KCNIP1: variants seen among roughly 807,000 people sequenced by gnomAD.
KCNIP1 encodes potassium voltage-gated channel interacting protein 1.
A neutral mutation model predicts 33.0 loss-of-function variants in KCNIP1; 18 were observed. That is an observed-to-expected ratio of 0.55 (90% CI 0.38 to 0.81). The LOEUF (loss-of-function observed/expected upper bound fraction) is 0.81. Ranked by LOEUF, KCNIP1 falls within the 30% of genes least tolerant of loss-of-function variation. The probability of loss-of-function intolerance (pLI) is 0.00; values close to 1 mark genes in which losing one functional copy is unlikely to be tolerated. For missense variants in KCNIP1, 238 were observed against 271.6 expected (o/e 0.88, Z 0.87); for synonymous variants, 93 against 98.3 (o/e 0.95, Z 0.32).
intron 1 of KCNIP1, among the ~76,000 whole-genome samples, chr5:170,438,477 GCTTT>G (rs1225548519): frequency 1.3e-5 from 2 of 152,166 alleles, no homozygotes; most frequent in East Asian, 3.9e-4. Flanking sequence ...ATCTGAGGGA[GCTTT>G]CTAAAATAAA....
At chr5:170,584,462 A>G (rs547008293) in intron 1 of KCNIP1, among the ~76,000 whole-genome samples, 29 of 152,300 alleles carry the variant, frequency 1.9e-4, no homozygotes, top group Non-Finnish European at 3.5e-4. Context: ...AAAGCTTACA[A>G]TGCCAAACTA....
At chr5:170,378,766 G>A in intron 1 of KCNIP1, 1 of 1,614,206 alleles carries the variant, frequency 6.2e-7, no homozygotes, top group Non-Finnish European at 8.5e-7. Context: ...ATAATGAGGA[G>A]GCCACCGGTC....
chr5:170,582,172 C>T (rs564049099), intron 1 of KCNIP1, among the ~76,000 whole-genome samples: 1 of 152,240 alleles, frequency 6.6e-6, no homozygotes, highest in South Asian at 2.1e-4. Context: ...ACTATAGCAC[C>T]CACCTAACGA....
intron 1 of KCNIP1, among the ~76,000 whole-genome samples, chr5:170,599,605 G>A (rs1300503229): frequency 1.3e-5 from 2 of 151,968 alleles, no homozygotes; most frequent in Non-Finnish European, 2.9e-5. Context: ...TCAGGACTGT[G>A]GAATGAGCAC....
At position 170,640,172 on chromosome 5, in the gene KCNIP1, C is replaced by T. The variant is rs543666586; in HGVS notation, c.62-78586C>T. ...AGAGCTGGGGAACAGGGAGGTCCAA[C>T]GGTGACTCCCAAGGAGCTGATGTGA... On this transcript the variant is annotated intron_variant, in intron 1 of 7. Coordinates refer to ENST00000328939, the MANE Select transcript of KCNIP1 (RefSeq NM_014592.4). Among the ~76,000 whole-genome samples, 55 of 152,312 alleles carry T rather than the reference C, an allele frequency of 3.6e-4. 2 individuals are homozygous for T. Among genetic ancestry groups the T allele is most frequent in the Middle Eastern group, 6.8e-3 (2 of 294 alleles).
At chr5:170,628,362 A>G (rs1278731854) in intron 1 of KCNIP1, among the ~76,000 whole-genome samples, 1 of 152,176 alleles carries the variant, frequency 6.6e-6, no homozygotes, top group Non-Finnish European at 1.5e-5. Context: ...CCACACTCAC[A>G]GTGAATCTTG....
At chr5:170,565,805 G>T (rs1312112322) in intron 1 of KCNIP1, among the ~76,000 whole-genome samples, 3 of 152,174 alleles carry the variant, frequency 2.0e-5, no homozygotes, top group Non-Finnish European at 2.9e-5. Context: ...ATGTCTGTTT[G>T]CCAGGAATAT....
At chr5:170,649,252 T>A (rs1004190081) in intron 1 of KCNIP1, among the ~76,000 whole-genome samples, 3 of 152,176 alleles carry the variant, frequency 2.0e-5, no homozygotes, top group Non-Finnish European at 4.4e-5. Context: ...GGAATCAATT[T>A]AAACAGCTCT....
chr5:170,410,582 A>G (rs1013011190), intron 1 of KCNIP1, among the ~76,000 whole-genome samples: 2 of 152,114 alleles, frequency 1.3e-5, no homozygotes, highest in African/African-American at 4.8e-5. Context: ...CCCTGTGGAA[A>G]GGGAACTGAA....
rs548519097 is a variant in KCNIP1 at position 170,612,912 on chromosome 5, G to C, written c.62-105846G>C. On this transcript the variant is annotated intron_variant, in intron 1 of 7. Transcript: ENST00000328939. ...AGGGCCCGCTGGTTCCTTCCCCCAG[G>C]TCTCTCCTCTCTCCCTGGATTGTGG... 3.3e-5 allele frequency among the ~76,000 whole-genome samples: 5 copies of C among 152,220 alleles called. 1 individual carries two copies. In the South Asian group the frequency reaches 1.0e-3, roughly 32 times the overall value.
intron 5 of KCNIP1, among the ~76,000 whole-genome samples, chr5:170,730,783 G>A (rs551300023): frequency 4.6e-5 from 7 of 151,706 alleles, no homozygotes; most frequent in Non-Finnish European, 8.8e-5. Context: ...GATTGGGAAA[G>A]AGAAAATACA....
At chr5:170,484,661 A>C (rs1757045642) in intron 1 of KCNIP1, among the ~76,000 whole-genome samples, 2 of 147,826 alleles carry the variant, frequency 1.4e-5, no homozygotes, top group Non-Finnish European at 1.5e-5. Context: ...CCTTCTCTCT[A>C]CCCGTTTCCC....
intron 1 of KCNIP1, among the ~76,000 whole-genome samples, chr5:170,359,599 T>G (rs1469635417): frequency 1.3e-5 from 2 of 152,148 alleles, no homozygotes; most frequent in Non-Finnish European, 1.5e-5. Flanking sequence ...TGCCAGTGCT[T>G]TGTCACAGGA....
intron 1 of KCNIP1, among the ~76,000 whole-genome samples, chr5:170,443,147 A>G (rs1009847522): frequency 5.9e-5 from 9 of 152,134 alleles, no homozygotes; most frequent in African/African-American, 1.7e-4. Context: ...TCCAGACCCA[A>G]AGGTGGCTTG....
intron 1 of KCNIP1, among the ~76,000 whole-genome samples, chr5:170,624,444 C>T (rs1168513393): frequency 6.6e-6 from 1 of 152,032 alleles, no homozygotes. Flanking sequence ...TTCCTTTCTC[C>T]AAACTCTATC....
At chr5:170,682,780 G>GCTTCTTTTTTTTT (rs1762394879) in intron 1 of KCNIP1, among the ~76,000 whole-genome samples, 2 of 59,654 alleles carry the variant, frequency 3.4e-5, no homozygotes, top group East Asian at 1.6e-3. Context: ...TATTTTCTTT[G>GCTTCTTTTTTTTT]TTTCTTTTTT....
At chr5:170,514,372 G>A (rs1457312237) in intron 1 of KCNIP1, among the ~76,000 whole-genome samples, 1 of 152,182 alleles carries the variant, frequency 6.6e-6, no homozygotes, top group African/African-American at 2.4e-5. Context: ...GCACTCAGCA[G>A]GGGTGTCTTC....
Position 170,424,311 on chromosome 5 carries a change from C to T in KCNIP1, c.88+70347C>T, listed in dbSNP as rs570475188. On this transcript the variant is annotated intron_variant, in intron 1 of 7. Coordinates refer to the KCNIP1 transcript ENST00000377360. Reference sequence around the variant, plus strand: ...GCATTGTCACATTTCATCCTTCCCACAAGGAGGCATTACTGTTCCCATTTT... The same window carrying T: ...GCATTGTCACATTTCATCCTTCCCATAAGGAGGCATTACTGTTCCCATTTT... Among the ~76,000 whole-genome samples the T allele has an allele frequency of 2.0e-5, 3 of 152,314 alleles. No homozygotes were observed. In the East Asian group the frequency reaches 5.8e-4, roughly 29 times the overall value.
intron 1 of KCNIP1, among the ~76,000 whole-genome samples, chr5:170,425,868 C>G (rs1336608121): frequency 6.6e-6 from 1 of 152,200 alleles, no homozygotes; most frequent in Non-Finnish European, 1.5e-5. Flanking sequence ...ATTGACCATC[C>G]TACTGCTTCC....
Sources: gnomAD v4.1 joint callset for allele counts (sites outside exome capture counted in the v4.1 genomes callset) on GRCh38, gnomAD v4.1.1 for gene constraint, MANE v1.5 for transcripts, NCBI Gene and HGNC (gene_info 2026-07-23, HGNC 2026-07-21) for gene names.